Variants in SBNO1 observed in about 807,000 individuals in gnomAD.
The protein encoded by SBNO1 is protein strawberry notch homolog 1.
SBNO1 carries 23 observed loss-of-function variants against 173.6 expected under a neutral mutation model. That is an observed-to-expected ratio of 0.13 (90% CI 0.10 to 0.19). The LOEUF (loss-of-function observed/expected upper bound fraction) is 0.19. Ranked by LOEUF, SBNO1 falls within the 10% of genes least tolerant of loss-of-function variation. The pLI, the probability that SBNO1 is intolerant of heterozygous loss-of-function variation, is 1.00. For synonymous variants in SBNO1, 632 were observed against 571.5 expected (o/e 1.11, Z -1.51); for missense variants, 1,238 against 1,671.2 (o/e 0.74, Z 4.52).
rs372535947 is a variant in SBNO1, at chr12:123,324,205, C to CCAGTCATTTCAACTGCTCA, written c.1974-393_1974-375dup. On this transcript the variant is annotated intron_variant, in intron 15 of 31. Coordinates refer to ENST00000602398, the MANE Select transcript of SBNO1 (RefSeq NM_001167856.3). ...ACATATAATAACATCTCAATATGGA[C>CCAGTCATTTCAACTGCTCA]CAGTCATTTCAACTGCTCAATAGCC... Among the ~76,000 whole-genome samples the CCAGTCATTTCAACTGCTCA allele has an allele frequency of 3.8e-3, 577 of 152,222 alleles. 3 individuals are homozygous for CCAGTCATTTCAACTGCTCA. The highest frequency in any genetic ancestry group is 0.013 in the African/African-American group (533 of 41,526).
intron 19 of SBNO1, 53 bp downstream of exon 19, chr12:123,320,379 T>G (rs1451283079): frequency 1.4e-6 from 2 of 1,456,908 alleles, no homozygotes; most frequent in East Asian, 2.3e-5. Flanking sequence ...TACAACTCAT[T>G]TTACAGGGGT....
At chr12:123,351,941 A>G (rs1386992523) in intron 1 of SBNO1, among the ~76,000 whole-genome samples, 6 of 152,162 alleles carry the variant, frequency 3.9e-5, no homozygotes, top group Non-Finnish European at 7.3e-5. Context: ...CGAGCCCAGA[A>G]GACCTAAAGG....
chr12:123,350,349 T>C lies in SBNO1; in HGVS notation c.93A>G (p.Ala31=). The C allele has an allele frequency of 6.2e-7, 1 of 1,614,028 alleles. No individual in the cohort carries two copies. Among genetic ancestry groups the C allele is most frequent in the African/African-American group, 1.3e-5 (1 of 75,042 alleles). Residue 31 remains alanine, a synonymous_variant, in exon 2 of 32, where the codon GCA becomes GCG. Coordinates refer to ENST00000602398, the MANE Select transcript of SBNO1 (RefSeq NM_001167856.3). ...GGGTAGGCATTGGAGTTGCAAGCCCTGCATCTCCACCATCAATATCAAAGA... is the reference window on the plus strand; with the variant it reads ...GGGTAGGCATTGGAGTTGCAAGCCCCGCATCTCCACCATCAATATCAAAGA... The part of the protein sequence containing the change: ...NDLFDIDGGD[A]GLATPMPTPS...
intron 10 of SBNO1, 55 bp from the exon 11 acceptor site, chr12:123,328,082 G>A: frequency 7.2e-7 from 1 of 1,386,834 alleles, no homozygotes; most frequent in East Asian, 2.3e-5. Context: ...AGAATCTCCA[G>A]TCTTTCAAGA....
At chr12:123,314,194 G>A (rs1868984165) in intron 23 of SBNO1, among the ~76,000 whole-genome samples, 1 of 151,898 alleles carries the variant, frequency 6.6e-6, no homozygotes, top group Non-Finnish European at 1.5e-5. Flanking sequence ...TGGAGACAGA[G>A]TTTTGCTCAT....
chr12:123,298,849 G>A (rs2048688728), intron 30 of SBNO1, among the ~76,000 whole-genome samples: 1 of 152,172 alleles, frequency 6.6e-6, no homozygotes, highest in African/African-American at 2.4e-5. Flanking sequence ...CAGCTCTTTG[G>A]GAGGCTGAGG....
At chr12:123,364,021 C>G in intron 1 of SBNO1, 1 of 985,494 alleles carries the variant, frequency 1.0e-6, no homozygotes, top group Non-Finnish European at 1.2e-6. Context: ...AGCAAATCCC[C>G]AACTGCCGTT....
chr12:123,325,463 C>A, intron 15 of SBNO1, 39 bp downstream of exon 15: 1 of 1,460,206 alleles, frequency 6.8e-7, no homozygotes, highest in South Asian at 1.2e-5. Flanking sequence ...AGGAAGAACT[C>A]AAAAAGAAAC....
chr12:123,320,726 T>C lies in SBNO1; in HGVS notation c.2464A>G (p.Ile822Val). ...KRPSFSSTPV[I>V]SPAPNSTPAN... is the part of the protein sequence containing the mutation. ...GGTGTACTGTTAGGAGCAGGTGAGA[T>C]AACTGGTGTAGATGAAAAACTAGGT... Residue 822 changes from isoleucine (I) to valine (V), a missense_variant, in exon 18 of 32, where the codon ATC becomes GTC. Physicochemically the swap from Ile to Val is conservative, Grantham distance 29. Around this residue, in one of 14 missense-constraint regions of SBNO1, gnomAD observed 74 missense variants for 68.5 expected, o/e 1.08. Coordinates refer to ENST00000602398, the MANE Select transcript of SBNO1 (RefSeq NM_001167856.3). 1 of 1,609,950 alleles carries C rather than the reference T, an allele frequency of 6.2e-7. No individual in the cohort carries two copies. The highest frequency in any genetic ancestry group is 8.5e-7 in the Non-Finnish European group (1 of 1,178,994).
chr12:123,351,480 A>G (rs1474620944), intron 1 of SBNO1, among the ~76,000 whole-genome samples: 1 of 152,142 alleles, frequency 6.6e-6, no homozygotes, highest in African/African-American at 2.4e-5. Flanking sequence ...TTTTTTAATT[A>G]GCCAAGTGTG....
chr12:123,311,745 T>TATATAC (rs1566027839), intron 24 of SBNO1, among the ~76,000 whole-genome samples: 6 of 142,732 alleles, frequency 4.2e-5, no homozygotes, highest in African/African-American at 1.0e-4. Flanking sequence ...TATATATATA[T>TATATAC]ATATTTTTGC....
intron 9 of SBNO1, among the ~76,000 whole-genome samples, chr12:123,329,640 T>C (rs183435440): frequency 1.3e-4 from 20 of 152,222 alleles, no homozygotes; most frequent in Non-Finnish European, 2.5e-4. Context: ...TAGTTCTGAA[T>C]TGTATACAGT....
chr12:123,317,516 C>T (rs541133642), intron 20 of SBNO1, among the ~76,000 whole-genome samples, 160 bp from the exon 21 acceptor site: 17 of 152,262 alleles, frequency 1.1e-4, no homozygotes, highest in Non-Finnish European at 2.4e-4. Context: ...TAAGTGTGAA[C>T]ATTCTCCAGC....
At chr12:123,351,280 G>C (rs1470393978) in intron 1 of SBNO1, among the ~76,000 whole-genome samples, 1 of 152,108 alleles carries the variant, frequency 6.6e-6, no homozygotes, top group East Asian at 1.9e-4. Flanking sequence ...GCTCTTGTGG[G>C]AAACAGGGAT....
chr12:123,317,348 A>G lies in SBNO1; in HGVS notation c.2808T>C (p.Ala936=). 1.9e-6 allele frequency: 3 copies of G among 1,614,092 alleles called. No homozygotes were observed. Among genetic ancestry groups the G allele is most frequent in the Non-Finnish European group, 2.5e-6 (3 of 1,179,980 alleles). The change falls in exon 21 of 32, where the codon GCT becomes GCC. Residue 936 remains alanine, a synonymous_variant. Transcript: ENST00000602398. ...CCGAGCTGGCAGCTTCTGAGATGATAGCAATATTCTGTGTCAAATATAAGA... is the reference window on the plus strand; with the variant it reads ...CCGAGCTGGCAGCTTCTGAGATGATGGCAATATTCTGTGTCAAATATAAGA... ...QRFMDGDKNI[A]IISEAASSGI... is the part of the protein sequence containing the mutation.
At chr12:123,334,871 A>G (rs991444971) in intron 6 of SBNO1, among the ~76,000 whole-genome samples, 2 of 152,240 alleles carry the variant, frequency 1.3e-5, no homozygotes, top group African/African-American at 4.8e-5. Flanking sequence ...GCATTCATTC[A>G]GTAAAACAAA....
At chr12:123,308,638 G>A (rs1422007625) in intron 28 of SBNO1, among the ~76,000 whole-genome samples, 2 of 152,014 alleles carry the variant, frequency 1.3e-5, no homozygotes, top group East Asian at 1.9e-4. Context: ...TCGCACCACT[G>A]CACTCCAGCC....
In SBNO1 at chr12:123,291,220, G is replaced by A. The variant is rs2048506596; in HGVS notation, c.*4688C>T. The A allele has an allele frequency of 6.6e-6, 1 of 152,124 alleles. No homozygotes were observed. Among genetic ancestry groups the A allele is most frequent in the Non-Finnish European group, 1.5e-5 (1 of 68,022 alleles). 9.4% of individuals were successfully genotyped at this position (152,124 alleles called of 1,614,324 possible). A position where few individuals can be genotyped will look rare whatever the true frequency, so the allele number is the denominator to read the frequency against. ...GCCCGACTTCTTAAATAAACATAGG[G>A]AATTTGCTGCAGCAGCAGGCCAGAA... is the stretch of plus-strand genomic sequence containing the variant. On this transcript the variant is annotated 3_prime_UTR_variant, in exon 32 of 32. Transcript: ENST00000602398.
At chr12:123,316,226 C>G (rs572418922) in intron 21 of SBNO1, among the ~76,000 whole-genome samples, 2 of 152,116 alleles carry the variant, frequency 1.3e-5, no homozygotes, top group African/African-American at 4.8e-5. Context: ...AGACATTAAA[C>G]AGGATTTTTT....
Sources: allele counts gnomAD v4.1 joint callset (sites outside exome capture counted in the v4.1 genomes callset), GRCh38; gene constraint gnomAD v4.1.1; regional missense constraint gnomAD v4.1.1; transcripts MANE v1.5; gene names NCBI Gene and HGNC (gene_info 2026-07-23, HGNC 2026-07-21).